Variants in TRPM1 observed in about 807,000 individuals in gnomAD.
TRPM1 encodes the protein transient receptor potential cation channel subfamily M member 1, also known as TRPM1-203 APA Isoform, Intron 10.
A neutral mutation model predicts 149.4 loss-of-function variants in TRPM1; 113 were observed. The ratio of observed to expected loss-of-function variants is 0.76; its 90% confidence interval spans 0.65 to 0.88. The LOEUF (loss-of-function observed/expected upper bound fraction) is 0.88. Among genes scored for constraint, TRPM1 ranks in the 40% least tolerant of loss-of-function variants. TRPM1 has a pLI of 0.00. For missense variants in TRPM1, 1,976 were observed against 2,038.7 expected, an observed-to-expected ratio of 0.97 and a Z score of 0.59; for synonymous variants, 741 against 759.5, an observed-to-expected ratio of 0.98 and a Z score of 0.40.
At position 31,050,506 on chromosome 15, in the gene TRPM1, T is replaced by C. The variant is rs1473165259; in HGVS notation, c.1340A>G (p.Lys447Arg). 3 of 1,614,004 alleles carry C rather than the reference T, an allele frequency of 1.9e-6. No homozygotes were observed. The highest frequency in any genetic ancestry group is 1.3e-5 in the African/African-American group (1 of 74,898). Reference protein sequence around the residue: ...KEKKPPMATTKGGRGKGKGKK... With the variant: ...KEKKPPMATTRGGRGKGKGKK... ...GCCTTTCCCTTTTCCTCTTCCTCCC[T>C]TGGTGGTGGCCATGGGTGGCTTCTT... Residue 447 changes from lysine (K) to arginine (R), a missense_variant, in exon 12 of 28, where the codon AAG becomes AGG. By Grantham distance (26) the Lys-to-Arg change is conservative (BLOSUM62 2). Around this residue, in one of 3 missense-constraint regions of TRPM1, gnomAD observed 1,332 missense variants for 1,347.1 expected, o/e 0.99. Coordinates refer to ENST00000256552, the MANE Select transcript of TRPM1 (RefSeq NM_001252024.2).
intron 22 of TRPM1, 62 bp from the exon 23 acceptor site, chr15:31,031,219 C>A (rs2033061838): frequency 1.3e-6 from 2 of 1,577,932 alleles, no homozygotes; most frequent in Non-Finnish European, 8.7e-7. Context: ...CACCCTGGCT[C>A]ATTATATTGC....
At chr15:31,064,116 G>A (rs1048412983) in intron 7 of TRPM1, among the ~76,000 whole-genome samples, 1 of 152,200 alleles carries the variant, frequency 6.6e-6, no homozygotes, top group East Asian at 1.9e-4. Context: ...TTTGTAAAAG[G>A]TGAACAATCA....
intron 1 of TRPM1, among the ~76,000 whole-genome samples, chr15:31,088,122 G>A (rs1271622604): frequency 6.6e-6 from 1 of 152,142 alleles, no homozygotes; most frequent in East Asian, 1.9e-4. Flanking sequence ...TCTAGCTAAA[G>A]GATTGTAAAT....
At chr15:31,149,808 G>A (rs112327262) in intron 1 of TRPM1, among the ~76,000 whole-genome samples, 2 of 152,042 alleles carry the variant, frequency 1.3e-5, no homozygotes, top group Admixed American at 1.3e-4. Context: ...CGTGAGCCAC[G>A]GCGCCAGGCC....
intron 14 of TRPM1, 23 bp downstream of exon 14, chr15:31,047,866 G>T (rs1319174680): frequency 2.5e-6 from 4 of 1,599,068 alleles, no homozygotes; most frequent in Non-Finnish European, 3.4e-6. Flanking sequence ...CAACAGGTAA[G>T]AATTGTAAAA....
At position 31,070,197 on chromosome 15, in the gene TRPM1, T is replaced by G; in HGVS notation, c.113A>C (p.His38Pro). 6.2e-7 allele frequency: 1 copy of G among 1,613,952 alleles called. No individual in the cohort carries two copies. The highest frequency in any genetic ancestry group is 8.5e-7 in the Non-Finnish European group (1 of 1,179,956). Residue 38 changes from histidine to proline, a missense_variant, in exon 4 of 28, where the codon CAT (histidine) becomes CCT (proline). By Grantham distance (77) the His-to-Pro change is moderately conservative. Around this residue, in one of 3 missense-constraint regions of TRPM1, gnomAD observed 1,332 missense variants for 1,347.1 expected, o/e 0.99. Transcript: ENST00000256552. ...RCCCGQFTNQ[H>P]IPPLPSATPS... ...TGTTGCACTTGGCAGAGGGGGGATA[T>G]GCTGGTTGGTGAACTGGCCACAGCA...
At chr15:31,157,691 G>A (rs1361736056) in intron 1 of TRPM1, among the ~76,000 whole-genome samples, 3 of 152,156 alleles carry the variant, frequency 2.0e-5, no homozygotes, top group African/African-American at 4.8e-5. Flanking sequence ...AGGGTCCCCA[G>A]TGTCCCCAGG....
At chr15:31,142,087 T>A (rs1402787119) in intron 1 of TRPM1, among the ~76,000 whole-genome samples, 1 of 152,204 alleles carries the variant, frequency 6.6e-6, no homozygotes, top group Non-Finnish European at 1.5e-5. Flanking sequence ...TGAAAATTTT[T>A]AAAAAGTAGA....
chr15:31,101,557 G>C (rs2035517091), intron 1 of TRPM1, 100 bp downstream of exon 1: 1 of 717,484 alleles, frequency 1.4e-6, no homozygotes, highest in South Asian at 6.3e-5. Context: ...TGCATCTGTG[G>C]TTATCTGCAC....
At chr15:31,132,626 G>T (rs1006740136) in intron 1 of TRPM1, among the ~76,000 whole-genome samples, 51 of 152,186 alleles carry the variant, frequency 3.4e-4, no homozygotes, top group African/African-American at 1.2e-3. Flanking sequence ...AAGACCTCTG[G>T]CATCTTTACT....
chr15:31,096,631 G>A (rs1003851298), intron 1 of TRPM1, among the ~76,000 whole-genome samples: 1 of 152,360 alleles, frequency 6.6e-6, no homozygotes, highest in East Asian at 1.9e-4. Flanking sequence ...CAGAGGCTAG[G>A]CAGGTGCAGC....
chr15:31,062,829 A>T (rs1314398299), intron 8 of TRPM1, 127 bp from the exon 9 acceptor site: 2 of 1,143,302 alleles, frequency 1.7e-6, no homozygotes, highest in Non-Finnish European at 2.6e-6. Context: ...GGAGACAAAA[A>T]GTAACCATAG....
intron 11 of TRPM1, among the ~76,000 whole-genome samples, chr15:31,056,767 C>T (rs2034097923): frequency 1.3e-5 from 2 of 152,208 alleles, no homozygotes; most frequent in African/African-American, 4.8e-5. Context: ...GTCTCTCGCT[C>T]TCTTACCCTT....
At chr15:31,117,699 C>CA (rs2035820829) in intron 1 of TRPM1, among the ~76,000 whole-genome samples, 1 of 135,912 alleles carries the variant, frequency 7.4e-6, no homozygotes, top group Admixed American at 7.3e-5. Context: ...CACACACACA[C>CA]TAAGGGCTCT....
chr15:31,153,766 A>G (rs1162364782), intron 1 of TRPM1, among the ~76,000 whole-genome samples: 1 of 152,174 alleles, frequency 6.6e-6, no homozygotes, highest in Non-Finnish European at 1.5e-5. Flanking sequence ...TGTGAGCCAC[A>G]TGTTGTCAGG....
At chr15:31,117,878 T>C (rs913476649) in intron 1 of TRPM1, among the ~76,000 whole-genome samples, 4 of 152,116 alleles carry the variant, frequency 2.6e-5, no homozygotes, top group African/African-American at 9.7e-5. Context: ...AGTTTGAAGA[T>C]GCAAATAGAA....
rs186557202 is a variant in TRPM1 at position 31,142,432 on chromosome 15, T to C, written c.54+18474A>G. On this transcript the variant is annotated intron_variant, in intron 1 of 26. Coordinates refer to the TRPM1 transcript ENST00000542188. ...AATTATTGTGAGATCTTGTAGGTAA[T>C]TGGCCTAGAAAACAATGATTCTGTT... 2.9e-3 allele frequency among the ~76,000 whole-genome samples: 435 copies of C among 152,324 alleles called. 5 individuals carry two copies. Among genetic ancestry groups the C allele is most frequent in the Non-Finnish European group, 4.2e-3 (285 of 68,004 alleles).
At chr15:31,078,311 C>T (rs961780491) in intron 2 of TRPM1, among the ~76,000 whole-genome samples, 9 of 152,110 alleles carry the variant, frequency 5.9e-5, no homozygotes, top group South Asian at 2.1e-4. Context: ...AGAGGCCCTC[C>T]GCAGAGAGGT....
At position 31,045,151 on chromosome 15, in the gene TRPM1, C is replaced by T. The variant is rs541664428; in HGVS notation, c.1794+1053G>A. Among the ~76,000 whole-genome samples, 102 of 152,216 alleles carry T rather than the reference C, an allele frequency of 6.7e-4. 1 individual carries two copies. The highest frequency in any genetic ancestry group is 2.3e-3 in the African/African-American group (97 of 41,548). ...AAGCTCATAACCCTTCCAGGAGCAC[C>T]GTGTTAAAGGACAGTCTTAATTGTC... On this transcript the variant is annotated intron_variant, in intron 16 of 27. Transcript: ENST00000256552.
Sources: gnomAD v4.1 joint callset for allele counts (sites outside exome capture counted in the v4.1 genomes callset) on GRCh38, gnomAD v4.1.1 for gene constraint, gnomAD v4.1.1 regional missense constraint, MANE v1.5 for transcripts, NCBI Gene and HGNC (gene_info 2026-07-23, HGNC 2026-07-21) for gene names.